ANXA2: variants seen among roughly 807,000 people sequenced by gnomAD.
ANXA2 encodes annexin II.
In ANXA2, 28 loss-of-function variants were observed where a neutral mutation model predicts 47.3. The observed-to-expected ratio is 0.59, with a 90% CI of 0.44 to 0.81. ANXA2 has a LOEUF of 0.81. Ranked by LOEUF, ANXA2 falls within the 40% of genes least tolerant of loss-of-function variation. The pLI, the probability that ANXA2 is intolerant of heterozygous loss-of-function variation, is 0.00. For missense variants in ANXA2, 384 were observed against 414.3 expected (o/e 0.93, Z 0.64); for synonymous variants, 172 against 155.5 (o/e 1.11, Z -0.79).
chr15:60,372,757 A>C (rs1310227474), intron 3 of ANXA2, among the ~76,000 whole-genome samples: 2 of 150,846 alleles, frequency 1.3e-5, no homozygotes, highest in Admixed American at 6.6e-5. Flanking sequence ...ACAGTGGTAC[A>C]ACCATGGCTC....
chr15:60,397,484 T>C, intron 1 of ANXA2: 1 of 262,286 alleles, frequency 3.8e-6, no homozygotes, highest in Non-Finnish European at 6.3e-6. Flanking sequence ...TTGTTTCGAG[T>C]ACAGTAACTT....
At chr15:60,389,863 G>A (rs1480527849) in intron 1 of ANXA2, among the ~76,000 whole-genome samples, 1 of 152,068 alleles carries the variant, frequency 6.6e-6, no homozygotes, top group Non-Finnish European at 1.5e-5. Context: ...GGGTCACCAC[G>A]ACCCCTACTC....
intron 1 of ANXA2, among the ~76,000 whole-genome samples, chr15:60,391,954 T>A (rs1331939617): frequency 6.6e-6 from 1 of 151,762 alleles, no homozygotes; most frequent in Admixed American, 6.6e-5. Context: ...TACATACACA[T>A]CAGTGCCGTG....
intron 3 of ANXA2, among the ~76,000 whole-genome samples, chr15:60,372,201 C>T (rs2062719929): frequency 1.3e-5 from 2 of 152,124 alleles, no homozygotes; most frequent in Admixed American, 1.3e-4. Context: ...TACTATGTTA[C>T]AGGCATTTTT....
At chr15:60,395,941 G>C (rs901987288) in intron 1 of ANXA2, 1 of 152,200 alleles carries the variant, frequency 6.6e-6, no homozygotes, top group Non-Finnish European at 1.5e-5. Context: ...AAGAAGGGAA[G>C]AAATTACTAA....
chr15:60,382,478 A>C (rs372107517), intron 2 of ANXA2, 37 bp from the exon 3 acceptor site: 1 of 1,397,664 alleles, frequency 7.2e-7, no homozygotes, highest in Non-Finnish European at 1.0e-6. Flanking sequence ...AATGACACAC[A>C]TTTAAAATCC....
At position 60,351,809 on chromosome 15, in the gene ANXA2, C is replaced by A. The variant is rs1157562770; in HGVS notation, c.693G>T (p.Arg231Ser). The A allele has an allele frequency of 3.7e-6, 6 of 1,610,702 alleles. No homozygotes were observed. Among genetic ancestry groups the A allele is most frequent in the Non-Finnish European group, 5.1e-6 (6 of 1,176,894 alleles). The change falls in exon 10 of 13, where the codon AGG becomes AGT. Residue 231 changes from arginine (R) to serine (S), a missense_variant. Arg to Ser is a moderately radical substitution (Grantham distance 110). Transcript: ENST00000451270. ...SVPHLQKVFDRYKSYSPYDML... is the reference protein window; with the variant it reads ...SVPHLQKVFDSYKSYSPYDML... ...TGTCATAAGGGCTGTAACTCTTGTACCTATCAAATACTGAGGAAAAACAAC... is the reference window on the plus strand; with the variant it reads ...TGTCATAAGGGCTGTAACTCTTGTAACTATCAAATACTGAGGAAAAACAAC...
chr15:60,370,259 G>T (rs999158273), intron 3 of ANXA2, among the ~76,000 whole-genome samples: 3 of 152,200 alleles, frequency 2.0e-5, no homozygotes, highest in African/African-American at 7.2e-5. Context: ...AATGGAGGCT[G>T]TTTCTGCCAG....
rs753468339 is a variant in ANXA2, at chr15:60,386,038, A to G, written c.38T>C (p.Leu13Ser). ...TVHEILCKLS[L>S]EGDHSTPPSA... is the part of the protein sequence containing the mutation. ...AAGTGATATACTTACATCACCCTCC[A>G]AGCTGAGCTTGCACAGGATTTCGTG... The change falls in exon 2 of 13, where the codon TTG (leucine) becomes TCG (serine). Residue 13 changes from leucine to serine, a missense_variant. Leu to Ser is a moderately radical substitution (Grantham distance 145, BLOSUM62 -2). Transcript: ENST00000451270. The G allele has an allele frequency of 6.2e-7, 1 of 1,612,434 alleles. No individual in the cohort carries two copies. Among genetic ancestry groups the G allele is most frequent in the Non-Finnish European group, 8.5e-7 (1 of 1,179,196 alleles).
intron 1 of ANXA2, chr15:60,393,111 T>C (rs770067672): frequency 3.9e-6 from 5 of 1,285,826 alleles, no homozygotes; most frequent in Non-Finnish European, 5.1e-6. Flanking sequence ...GCCAACTCAT[T>C]CCCCAGAATT....
At chr15:60,376,470 C>T (rs1009483829) in intron 3 of ANXA2, among the ~76,000 whole-genome samples, 1 of 151,926 alleles carries the variant, frequency 6.6e-6, no homozygotes. Flanking sequence ...TGAATAAGAG[C>T]TGCCTCCCAA....
At chr15:60,392,618 G>T (rs2063028519) in intron 1 of ANXA2, among the ~76,000 whole-genome samples, 1 of 152,144 alleles carries the variant, frequency 6.6e-6, no homozygotes. Context: ...ACTAAATTAA[G>T]AACCAGTTCC....
chr15:60,359,135 C>T lies in ANXA2; in HGVS notation c.357+1806G>A, dbSNP rs144337272. ...CACTTCAAGCTTTATGGATTTTGGA[C>T]GGGTATTCAACTGTGATAGCTAATG... On this transcript the variant is annotated intron_variant, in intron 5 of 12. Transcript: ENST00000451270. Among the ~76,000 whole-genome samples, 393 of 152,128 alleles carry T rather than the reference C, an allele frequency of 2.6e-3. 1 individual carries two copies. Among genetic ancestry groups the T allele is most frequent in the Non-Finnish European group, 4.3e-3 (290 of 68,012 alleles).
chr15:60,347,640 C>T lies in ANXA2; in HGVS notation c.1010G>A (p.Gly337Glu). The change falls in exon 13 of 13, where the codon GGA (glycine) becomes GAA (glutamate). Residue 337 changes from glycine (G) to glutamate (E), a missense_variant. Physicochemically the swap from Gly to Glu is moderately conservative, Grantham distance 98 (BLOSUM62 -2). Coordinates refer to ENST00000451270, the MANE Select transcript of ANXA2 (RefSeq NM_004039.3). The part of the protein sequence containing the change: ...YQKALLYLCG[G>E]DD ...AGGCCGTGTCGGGCTTCAGTCATCT[C>T]CACCACACAGGTACAGCAGCGCTTT... 3 of 1,614,174 alleles carry T rather than the reference C, an allele frequency of 1.9e-6. No individual in the cohort carries two copies. The South Asian group carries it at 3.3e-5, about 18-fold the overall frequency.
At chr15:60,374,755 C>A in intron 3 of ANXA2, 1 of 453,788 alleles carries the variant, frequency 2.2e-6, no homozygotes, top group Non-Finnish European at 4.4e-6. Context: ...GGCTGTGACT[C>A]AGCACTGGCC....
intron 1 of ANXA2, chr15:60,393,733 G>T: frequency 1.0e-6 from 1 of 963,030 alleles, no homozygotes; most frequent in Non-Finnish European, 1.2e-6. Flanking sequence ...CTTTTTGTGT[G>T]TCTGTGCAAC....
intron 11 of ANXA2, among the ~76,000 whole-genome samples, chr15:60,349,803 G>A (rs1895907616): frequency 7.0e-6 from 1 of 143,414 alleles, no homozygotes; most frequent in Non-Finnish European, 1.5e-5. Context: ...AGAGAAGAAA[G>A]GGAAAGGGAA....
At chr15:60,390,593 A>G in intron 1 of ANXA2, 1 of 306,604 alleles carries the variant, frequency 3.3e-6, no homozygotes, top group Non-Finnish European at 6.4e-6. Context: ...CCCCATCTGC[A>G]GATCTAAGAA....
At chr15:60,357,046 A>G in intron 6 of ANXA2, 100 bp downstream of exon 6, 1 of 1,055,376 alleles carries the variant, frequency 9.5e-7, no homozygotes, top group Non-Finnish European at 1.4e-6. Context: ...TCTGCACATC[A>G]CTAATGCAGG....
Sources: gnomAD v4.1 joint callset for allele counts (sites outside exome capture counted in the v4.1 genomes callset) on GRCh38, gnomAD v4.1.1 for gene constraint, MANE v1.5 for transcripts, NCBI Gene and HGNC (gene_info 2026-07-23, HGNC 2026-07-21) for gene names.